Variants in USP6NL observed in about 807,000 individuals in gnomAD.
USP6NL encodes the protein USP6 N-terminal-like protein.
USP6NL carries 26 observed loss-of-function variants against 61.9 expected under a neutral mutation model. That is an observed-to-expected ratio of 0.42 (90% CI 0.31 to 0.58). USP6NL has a LOEUF of 0.58. USP6NL is among the 20% of genes least tolerant of loss of function. The pLI is 0.16. For synonymous variants in USP6NL, 432 were observed against 390.1 expected, an observed-to-expected ratio of 1.11 and a Z score of -1.27; for missense variants, 1,114 against 1,034.3, an observed-to-expected ratio of 1.08 and a Z score of -1.06.
chr10:11,497,212 A>T (rs1242196347), intron 7 of USP6NL, among the ~76,000 whole-genome samples: 1 of 150,618 alleles, frequency 6.6e-6, no homozygotes, highest in Non-Finnish European at 1.5e-5. Context: ...GATGGAGACC[A>T]TCTTGGCTAA....
chr10:11,611,599 C>G lies in USP6NL; in HGVS notation c.-240G>C, dbSNP rs1047437335. 2 of 153,412 alleles carry G rather than the reference C, an allele frequency of 1.3e-5. No homozygotes were observed. The highest frequency in any genetic ancestry group is 1.5e-5 in the Non-Finnish European group (1 of 68,122). The allele number at this position is 153,412 out of a possible 1,614,324, so 9.5% of individuals were successfully genotyped here. A position where few individuals can be genotyped will look rare whatever the true frequency, so the allele number is the denominator to read the frequency against. On this transcript the variant is annotated 5_prime_UTR_variant, in exon 1 of 15. Coordinates refer to ENST00000609104, the MANE Select transcript of USP6NL (RefSeq NM_014688.5). This position sits in a 1 kb window ranked among gnomAD's most constrained non-coding sequence, Gnocchi z 5.3. Reference sequence around the variant, plus strand: ...CCTTCCAAGAGGATCCCGGCGAAGCCGAGCCCGGGAACCAGGAAGTTCCCC... The same window carrying G: ...CCTTCCAAGAGGATCCCGGCGAAGCGGAGCCCGGGAACCAGGAAGTTCCCC...
chr10:11,477,002 G>T (rs1832995191), intron 14 of USP6NL, among the ~76,000 whole-genome samples: 1 of 152,150 alleles, frequency 6.6e-6, no homozygotes, highest in Admixed American at 6.5e-5. Context: ...CTCCCGAGTA[G>T]TTGGGATTAC....
rs763559752 is a variant in USP6NL, at chr10:11,602,438, T to C, written c.-83-4721A>G. Among the ~76,000 whole-genome samples the C allele has an allele frequency of 2.8e-4, 43 of 152,316 alleles. No homozygotes were observed. Among genetic ancestry groups the C allele is most frequent in the Admixed American group, 1.9e-3 (29 of 15,290 alleles). On this transcript the variant is annotated intron_variant, in intron 1 of 14. Coordinates refer to ENST00000609104, the MANE Select transcript of USP6NL (RefSeq NM_014688.5). This position sits in a 1 kb window ranked among gnomAD's most constrained non-coding sequence, Gnocchi z 4.8. ...GTATAATGCATAATAAATCTTACTA[T>C]TCATTCATTCAGTATTTACCGAGTA...
At chr10:11,501,603 C>A (rs1364672998) in intron 6 of USP6NL, among the ~76,000 whole-genome samples, 1 of 152,162 alleles carries the variant, frequency 6.6e-6, no homozygotes, top group African/African-American at 2.4e-5. Flanking sequence ...CTAAAAGATG[C>A]TCCAAACAGC....
At chr10:11,534,706 G>A (rs750273613) in intron 2 of USP6NL, among the ~76,000 whole-genome samples, 5 of 151,840 alleles carry the variant, frequency 3.3e-5, no homozygotes, top group Non-Finnish European at 7.4e-5. Context: ...TGAGAAAAGT[G>A]AATTCATCTG....
rs979128877 is a variant in USP6NL, at chr10:11,528,595, C to G, written c.5-1028G>C. On this transcript the variant is annotated intron_variant, in intron 2 of 14. Coordinates refer to ENST00000609104, the MANE Select transcript of USP6NL (RefSeq NM_014688.5). This position sits in a 1 kb window ranked among gnomAD's most constrained non-coding sequence, Gnocchi z 4.6. ...GCATAAAGCTAATAAACAGCAAAGACAGTTTTCAAATCCAGACAGTCTTGA... is the reference window on the plus strand; with the variant it reads ...GCATAAAGCTAATAAACAGCAAAGAGAGTTTTCAAATCCAGACAGTCTTGA... 2.5e-4 allele frequency among the ~76,000 whole-genome samples: 38 copies of G among 152,160 alleles called. 1 individual carries two copies. Among genetic ancestry groups the G allele is most frequent in the African/African-American group, 9.2e-4 (38 of 41,426 alleles).
At chr10:11,582,058 G>A (rs997570871) in intron 2 of USP6NL, among the ~76,000 whole-genome samples, 1 of 152,150 alleles carries the variant, frequency 6.6e-6, no homozygotes, top group African/African-American at 2.4e-5. Context: ...TCCACCTCCC[G>A]GCTTCAAGCG....
chr10:11,475,184 G>C (rs188132794), intron 14 of USP6NL, among the ~76,000 whole-genome samples: 1 of 151,620 alleles, frequency 6.6e-6, no homozygotes, highest in Non-Finnish European at 1.5e-5. Flanking sequence ...AGAAAACTAG[G>C]AAGCATTTAC....
rs1380199893 is a variant in USP6NL, at chr10:11,490,265, C to A, written c.543+567G>T. Among the ~76,000 whole-genome samples the A allele has an allele frequency of 1.3e-5, 2 of 152,122 alleles. No homozygotes were observed. The highest frequency in any genetic ancestry group is 4.8e-5 in the African/African-American group (2 of 41,424). On this transcript the variant is annotated intron_variant, in intron 9 of 14. Coordinates refer to ENST00000609104, the MANE Select transcript of USP6NL (RefSeq NM_014688.5). The surrounding 1 kb of genome is among the most constrained non-coding windows in gnomAD (Gnocchi z 4.5). The stretch of plus-strand genomic sequence containing the variant: ...TAGTCAACAAGTATTCATTTAACAC[C>A]CACATTAAGTCCAACACAAATTAAT...
Position 11,525,992 on chromosome 10 carries a change from G to C in USP6NL, c.73-524C>G, listed in dbSNP as rs148698156. On this transcript the variant is annotated intron_variant, in intron 3 of 14. Transcript: ENST00000609104. This position sits in a 1 kb window ranked among gnomAD's most constrained non-coding sequence, Gnocchi z 5.0. ...CTTCCAGCAGTCAGACCTGCTGCAC[G>C]CTCTTCAGGCCTCATCTAACGGATC... 6.6e-6 allele frequency among the ~76,000 whole-genome samples: 1 copy of C among 151,448 alleles called. No homozygotes were observed. Among genetic ancestry groups the C allele is most frequent in the Non-Finnish European group, 1.5e-5 (1 of 67,814 alleles).
chr10:11,563,732 C>A (rs1837026103), intron 2 of USP6NL: 1 of 152,134 alleles, frequency 6.6e-6, no homozygotes, highest in Non-Finnish European at 1.5e-5. Context: ...TAAAGTTTTT[C>A]CTTCTTTTCA....
chr10:11,508,745 G>A (rs1266796491), intron 6 of USP6NL, among the ~76,000 whole-genome samples: 1 of 152,210 alleles, frequency 6.6e-6, no homozygotes, highest in African/African-American at 2.4e-5. Flanking sequence ...TGCAATGACT[G>A]TGTCAAGAAA....
At chr10:11,517,953 G>C (rs144433097) in intron 5 of USP6NL, among the ~76,000 whole-genome samples, 4 of 152,166 alleles carry the variant, frequency 2.6e-5, no homozygotes, top group African/African-American at 4.8e-5. Flanking sequence ...TACTTCAAAC[G>C]CATGCCTGGG....
intron 2 of USP6NL, chr10:11,563,625 A>G (rs1014018768): frequency 2.0e-5 from 3 of 152,228 alleles, no homozygotes; most frequent in East Asian, 1.9e-4. Flanking sequence ...TTATTTCAAA[A>G]TAAGTTTTTC....
In USP6NL at chr10:11,489,298, C is replaced by A; in HGVS notation, c.544-76G>T. The A allele has an allele frequency of 6.4e-7, 1 of 1,557,334 alleles. No homozygotes were observed. Among genetic ancestry groups the A allele is most frequent in the South Asian group, 1.2e-5 (1 of 81,926 alleles). On this transcript the variant is annotated intron_variant, in intron 9 of 14. Coordinates refer to ENST00000609104, the MANE Select transcript of USP6NL (RefSeq NM_014688.5). This position sits in a 1 kb window ranked among gnomAD's most constrained non-coding sequence, Gnocchi z 5.7. Reference sequence around the variant, plus strand: ...GCATATGTACAGAGAAAAAGCTACTCTATAAAAACCAGAAAATGCCTACAC... The same window carrying A: ...GCATATGTACAGAGAAAAAGCTACTATATAAAAACCAGAAAATGCCTACAC...
In USP6NL at chr10:11,482,535, G is replaced by C. The variant is rs578222014; in HGVS notation, c.926-613C>G. On this transcript the variant is annotated intron_variant, in intron 13 of 14. Coordinates refer to ENST00000609104, the MANE Select transcript of USP6NL (RefSeq NM_014688.5). The surrounding 1 kb of genome is among the most constrained non-coding windows in gnomAD (Gnocchi z 4.0). Reference sequence around the variant, plus strand: ...GATCCAGGTATTTACAAGTGTTTATGTATATCAATTGAAGAATCCAAATTA... The same window carrying C: ...GATCCAGGTATTTACAAGTGTTTATCTATATCAATTGAAGAATCCAAATTA... 2.6e-5 allele frequency among the ~76,000 whole-genome samples: 4 copies of C among 152,278 alleles called. No individual in the cohort carries two copies. The highest frequency in any genetic ancestry group is 4.1e-4 in the South Asian group (2 of 4,822).
At chr10:11,509,814 T>A (rs1834621531) in intron 5 of USP6NL, 139 bp from the exon 6 acceptor site, 3 of 670,710 alleles carry the variant, frequency 4.5e-6, no homozygotes. Context: ...TTGTAAAAAG[T>A]TGGATAATAT....
Position 11,553,504 on chromosome 10 carries a change from A to G in USP6NL, c.5-25937T>C, listed in dbSNP as rs1380315953. On this transcript the variant is annotated intron_variant, in intron 2 of 14. Coordinates refer to ENST00000609104, the MANE Select transcript of USP6NL (RefSeq NM_014688.5). This position sits in a 1 kb window ranked among gnomAD's most constrained non-coding sequence, Gnocchi z 4.8. ...AAAACTAAATAAAAGGCTGAAAATC[A>G]ATGTTCCTTAATATATTATGGGAAT... Among the ~76,000 whole-genome samples, 1 of 152,180 alleles carries G rather than the reference A, an allele frequency of 6.6e-6. No homozygotes were observed. The highest frequency in any genetic ancestry group is 6.5e-5 in the Admixed American group (1 of 15,278).
intron 2 of USP6NL, among the ~76,000 whole-genome samples, chr10:11,588,791 A>T (rs1838063605): frequency 6.6e-6 from 1 of 152,194 alleles, no homozygotes; most frequent in African/African-American, 2.4e-5. Context: ...TTATAATACA[A>T]ATCAAACATT....
Sources: gnomAD v4.1 joint callset for allele counts (sites outside exome capture counted in the v4.1 genomes callset) on GRCh38, gnomAD v4.1.1 for gene constraint, Gnocchi (gnomAD v3.1) non-coding constraint, MANE v1.5 for transcripts, NCBI Gene and HGNC (gene_info 2026-07-23, HGNC 2026-07-21) for gene names.